The following PLXNA2 variants were observed in gnomAD, a reference collection of about 807,000 sequenced individuals.
The protein encoded by PLXNA2 is plexin A2, also known as plexin-A2.
A neutral mutation model predicts 193.5 loss-of-function variants in PLXNA2; 91 were observed. The observed-to-expected ratio is 0.47, with a 90% CI of 0.40 to 0.56. The LOEUF is 0.56. Ranked by LOEUF, PLXNA2 falls within the 20% of genes least tolerant of loss-of-function variation. The pLI is 0.00. For synonymous variants in PLXNA2, 997 were observed against 1,027.3 expected (o/e 0.97, Z 0.56); for missense variants, 1,995 against 2,503.2 (o/e 0.80, Z 4.33).
In PLXNA2 at chr1:208,185,223, G is replaced by A. The variant is rs149825798; in HGVS notation, c.1371+25057C>T. 3.1e-3 allele frequency among the ~76,000 whole-genome samples: 465 copies of A among 152,268 alleles called. 3 individuals are homozygous for A. The highest frequency in any genetic ancestry group is 4.4e-3 in the Non-Finnish European group (299 of 68,014). On this transcript the variant is annotated intron_variant, in intron 3 of 31. Coordinates refer to ENST00000367033, the MANE Select transcript of PLXNA2 (RefSeq NM_025179.4). ...TGGCCTTGTTAAGGAGGCCCTCTCA[G>A]TCCAGGAGGTGGGGCCTCTCAGGAT...
chr1:208,130,052 G>A (rs1668099981), intron 4 of PLXNA2, among the ~76,000 whole-genome samples: 1 of 152,178 alleles, frequency 6.6e-6, no homozygotes, highest in Non-Finnish European at 1.5e-5. Flanking sequence ...CTCATCACCT[G>A]GTGGGAGTTT....
rs373911029 is a variant in PLXNA2, at chr1:208,045,944, C to T, written c.3429G>A (p.Pro1143=). ...CAGTAGGGCTAAGCAGTTCAAAGGTCGGGTTGGGGTAGTAGATAAACTTGG... is the reference window on the plus strand; with the variant it reads ...CAGTAGGGCTAAGCAGTTCAAAGGTTGGGTTGGGGTAGTAGATAAACTTGG... ...NDTKFIYYPN[P]TFELLSPTGV... The change falls in exon 18 of 32, where the codon CCG becomes CCA. Residue 1143 remains proline (P), a synonymous_variant. Transcript: ENST00000367033. 33 of 1,614,214 alleles carry T rather than the reference C, an allele frequency of 2.0e-5. No individual in the cohort carries two copies. The highest frequency in any genetic ancestry group is 1.6e-4 in the Middle Eastern group (1 of 6,062).
intron 3 of PLXNA2, among the ~76,000 whole-genome samples, chr1:208,143,122 G>A (rs936500980): frequency 6.6e-6 from 1 of 152,220 alleles, no homozygotes; most frequent in African/African-American, 2.4e-5. Flanking sequence ...AGCCCTGGCT[G>A]CACATTAGAA....
At chr1:208,138,685 G>A (rs759845782) in intron 4 of PLXNA2, among the ~76,000 whole-genome samples, 11 of 152,330 alleles carry the variant, frequency 7.2e-5, no homozygotes, top group Non-Finnish European at 1.5e-4. Flanking sequence ...AAGAGTTCGA[G>A]ACCAGCCTGG....
At position 208,215,817 on chromosome 1, in the gene PLXNA2, C is replaced by T. The variant is rs184826648; in HGVS notation, c.1188+918G>A. On this transcript the variant is annotated intron_variant, in intron 2 of 31. Transcript: ENST00000367033. The stretch of plus-strand genomic sequence containing the variant: ...ATGGAAGAAGAGTGGATCATGAATA[C>T]TTTGATGGCAGCACCATGAGCCGCT... 2.5e-3 allele frequency among the ~76,000 whole-genome samples: 387 copies of T among 152,216 alleles called. 2 individuals carry two copies. Among genetic ancestry groups the T allele is most frequent in the Non-Finnish European group, 3.9e-3 (268 of 68,002 alleles).
chr1:208,136,694 A>G lies in PLXNA2; in HGVS notation c.1506+5635T>C, dbSNP rs571052003. On this transcript the variant is annotated intron_variant, in intron 4 of 31. Transcript: ENST00000367033. ...TACCAGATTATGGGAGACTCAGCTC[A>G]GTGCTGTCATTTGGCCAGGCCAGAG... 1.2e-4 allele frequency among the ~76,000 whole-genome samples: 19 copies of G among 152,338 alleles called. No homozygotes were observed. In the South Asian group the frequency reaches 3.5e-3, roughly 28 times the overall value.
intron 12 of PLXNA2, among the ~76,000 whole-genome samples, chr1:208,064,395 C>A (rs1665718614): frequency 6.6e-6 from 1 of 152,260 alleles, no homozygotes; most frequent in Non-Finnish European, 1.5e-5. Context: ...GCTGGCCTGG[C>A]AGGTGTGGTC....
chr1:208,032,619 C>T (rs1485805693), intron 28 of PLXNA2, among the ~76,000 whole-genome samples: 1 of 152,070 alleles, frequency 6.6e-6, no homozygotes, highest in Non-Finnish European at 1.5e-5. Context: ...AAAACATTGG[C>T]TCTTTGATTG....
chr1:208,139,353 T>C (rs1296447281), intron 4 of PLXNA2, among the ~76,000 whole-genome samples: 2 of 152,072 alleles, frequency 1.3e-5, no homozygotes, highest in African/African-American at 2.4e-5. Context: ...GATGACTGGG[T>C]GTGTCATGTC....
At chr1:208,087,379 T>C (rs866662873) in intron 9 of PLXNA2, among the ~76,000 whole-genome samples, 2 of 151,670 alleles carry the variant, frequency 1.3e-5, no homozygotes, top group Non-Finnish European at 2.9e-5. Flanking sequence ...GAGTAGACTT[T>C]ATGAGTACTA....
Position 208,025,709 on chromosome 1 carries a change from G to A in PLXNA2, c.*1534C>T, listed in dbSNP as rs1439528751. ...CTCGATGACTCCCACTGGCTTCTAT[G>A]GGGCCTTTGGACCTGGGCATGGAGC... is the stretch of plus-strand genomic sequence containing the variant. On this transcript the variant is annotated 3_prime_UTR_variant, in exon 32 of 32. Transcript: ENST00000367033. 6.6e-6 allele frequency: 1 copy of A among 152,282 alleles called. No homozygotes were observed. The highest frequency in any genetic ancestry group is 6.5e-5 in the Admixed American group (1 of 15,280). 9.4% of individuals were successfully genotyped at this position (152,282 alleles called of 1,614,324 possible).
chr1:208,199,009 C>T (rs12402322), intron 3 of PLXNA2, among the ~76,000 whole-genome samples: 8,419 of 152,290 alleles, frequency 0.055, 737 homozygotes, highest in East Asian at 0.39. Flanking sequence ...TAGCCCAGGG[C>T]TTAGCATATA....
At chr1:208,243,373 C>G (rs565061521) in intron 1 of PLXNA2, among the ~76,000 whole-genome samples, 2 of 152,110 alleles carry the variant, frequency 1.3e-5, no homozygotes, top group South Asian at 4.1e-4. Flanking sequence ...GCCCTCAGCC[C>G]GCATTCGGGA....
At chr1:208,237,317 T>G (rs1262166236) in intron 1 of PLXNA2, among the ~76,000 whole-genome samples, 1 of 152,100 alleles carries the variant, frequency 6.6e-6, no homozygotes, top group African/African-American at 2.4e-5. Flanking sequence ...ATAACTTCAT[T>G]CAGATAAGAG....
chr1:208,220,791 C>T (rs1671305178), intron 1 of PLXNA2, among the ~76,000 whole-genome samples: 1 of 152,098 alleles, frequency 6.6e-6, no homozygotes. Context: ...TGAAATCCTG[C>T]CACAGCTCTT....
intron 3 of PLXNA2, among the ~76,000 whole-genome samples, chr1:208,207,128 C>T (rs909016949): frequency 1.3e-5 from 2 of 152,224 alleles, no homozygotes; most frequent in African/African-American, 4.8e-5. Flanking sequence ...ACCTCAGCCT[C>T]CCAAGTGGCT....
rs575359676 is a variant in PLXNA2, at chr1:208,222,835, G to A, written c.-80-4833C>T. Among the ~76,000 whole-genome samples the A allele has an allele frequency of 4.6e-5, 7 of 152,302 alleles. No homozygotes were observed. The South Asian group carries it at 1.5e-3, about 32-fold the overall frequency. ...TTTGCCAAATTGAGTCAAAGTTCCT[G>A]TTAGTAGCTCTCATACCCGTGGGCC... On this transcript the variant is annotated intron_variant, in intron 1 of 31. Coordinates refer to ENST00000367033, the MANE Select transcript of PLXNA2 (RefSeq NM_025179.4).
At chr1:208,033,223 T>C in intron 28 of PLXNA2, 96 bp downstream of exon 28, 1 of 1,211,590 alleles carries the variant, frequency 8.3e-7, no homozygotes, top group Non-Finnish European at 1.2e-6. Context: ...ATGGGTCCTC[T>C]TGAAGGACAC....
At chr1:208,065,884 C>T (rs1558173639) in intron 12 of PLXNA2, among the ~76,000 whole-genome samples, 1 of 152,206 alleles carries the variant, frequency 6.6e-6, no homozygotes, top group East Asian at 1.9e-4. Context: ...ATTCTTTCCT[C>T]CCTCCCTTGT....
Sources: allele counts gnomAD v4.1 joint callset (sites outside exome capture counted in the v4.1 genomes callset), GRCh38; gene constraint gnomAD v4.1.1; transcripts MANE v1.5; gene names NCBI Gene and HGNC (gene_info 2026-07-23, HGNC 2026-07-21).